MND1: variants seen among roughly 807,000 people sequenced by gnomAD.
The protein encoded by MND1 is meiotic nuclear division protein 1 homolog.
Under a neutral mutation model 35.1 loss-of-function variants are expected in MND1, and 28 were observed. The ratio of observed to expected loss-of-function variants is 0.80; its 90% CI spans 0.59 to 1.09. MND1 has a LOEUF of 1.09. Among genes scored for constraint, MND1 ranks in the 50% least tolerant of loss-of-function variants. MND1 has a pLI of 0.00. For missense variants in MND1, 213 were observed against 239.6 expected (o/e 0.89, Z 0.73); for synonymous variants, 69 against 70.5 (o/e 0.98, Z 0.11).
intron 2 of MND1, among the ~76,000 whole-genome samples, chr4:153,355,319 A>G (rs1410230727): frequency 3.9e-5 from 6 of 152,202 alleles, no homozygotes; most frequent in Non-Finnish European, 8.8e-5. Flanking sequence ...TTTTTTAAAT[A>G]CAATTTTTCA....
intron 4 of MND1, among the ~76,000 whole-genome samples, chr4:153,365,286 CAG>C (rs1272387189): frequency 1.3e-5 from 2 of 152,168 alleles, no homozygotes; most frequent in East Asian, 3.8e-4. Flanking sequence ...TTCCCCAAAA[CAG>C]AAGCAGGGTT....
chr4:153,344,729 G>T lies in MND1; in HGVS notation c.-9G>T. The T allele has an allele frequency of 6.3e-7, 1 of 1,594,694 alleles. No homozygotes were observed. The highest frequency in any genetic ancestry group is 8.5e-7 in the Non-Finnish European group (1 of 1,171,920). ...GGGCCCGGCCAGCGGAAGCCCCTGC[G>T]CCCGCGCCATGGTAAGGACTGAGGC... On this transcript the variant is annotated 5_prime_UTR_variant, in exon 1 of 8. Coordinates refer to ENST00000240488, the MANE Select transcript of MND1 (RefSeq NM_032117.4).
intron 1 of MND1, among the ~76,000 whole-genome samples, chr4:153,345,165 C>CT (rs1298300271): frequency 2.6e-5 from 4 of 152,308 alleles, no homozygotes; most frequent in African/African-American, 7.2e-5. Flanking sequence ...TGGTGTAGCC[C>CT]CCCCCATTAA....
intron 3 of MND1, 140 bp from the exon 4 acceptor site, chr4:153,358,334 C>G: frequency 4.8e-6 from 3 of 623,108 alleles, no homozygotes; most frequent in Non-Finnish European, 7.7e-6. Flanking sequence ...CATTGTTGTG[C>G]ATGTTGTTAT....
chr4:153,380,180 A>AGT (rs1273832526), intron 4 of MND1, among the ~76,000 whole-genome samples: 1 of 152,238 alleles, frequency 6.6e-6, no homozygotes, highest in Non-Finnish European at 1.5e-5. Flanking sequence ...ATAACAGAAA[A>AGT]GTAGATCAAA....
At chr4:153,361,686 A>G (rs1194670380) in intron 4 of MND1, 16 of 375,688 alleles carry the variant, frequency 4.3e-5, no homozygotes, top group Non-Finnish European at 7.8e-5. Context: ...AAATACAAAA[A>G]AAATAGCCGG....
At chr4:153,376,213 T>C (rs1280751305) in intron 4 of MND1, among the ~76,000 whole-genome samples, 1 of 152,172 alleles carries the variant, frequency 6.6e-6, no homozygotes, top group Non-Finnish European at 1.5e-5. Flanking sequence ...GATAGCTATT[T>C]CTAGAATTTT....
intron 4 of MND1, among the ~76,000 whole-genome samples, chr4:153,372,308 A>G (rs1338286901): frequency 6.6e-6 from 1 of 151,736 alleles, no homozygotes; most frequent in Non-Finnish European, 1.5e-5. Context: ...CAGTAAAGCA[A>G]AGCACAATAA....
chr4:153,385,117 T>C (rs1728816978), intron 4 of MND1, among the ~76,000 whole-genome samples: 1 of 152,234 alleles, frequency 6.6e-6, no homozygotes, highest in African/African-American at 2.4e-5. Flanking sequence ...TAACTGTATA[T>C]GTAGTAGGTA....
intron 2 of MND1, among the ~76,000 whole-genome samples, chr4:153,355,262 A>T (rs1000093954): frequency 6.6e-6 from 1 of 152,022 alleles, no homozygotes; most frequent in Non-Finnish European, 1.5e-5. Flanking sequence ...AGTTTCTAAT[A>T]AGCTCTAAAA....
intron 4 of MND1, among the ~76,000 whole-genome samples, chr4:153,367,604 T>A (rs936681742): frequency 2.0e-5 from 3 of 152,110 alleles, no homozygotes; most frequent in African/African-American, 7.2e-5. Context: ...GGCATGTGAG[T>A]TTTTTCCACT....
At chr4:153,409,583 T>C (rs187800216) in intron 7 of MND1, among the ~76,000 whole-genome samples, 278 of 152,300 alleles carry the variant, frequency 1.8e-3, no homozygotes, top group Admixed American at 5.1e-3. Flanking sequence ...CTTTTCTGGC[T>C]GGACTTAAAA....
chr4:153,361,755 A>G, intron 4 of MND1: 1 of 329,694 alleles, frequency 3.0e-6, no homozygotes, highest in Non-Finnish European at 5.9e-6. Flanking sequence ...GGAGAATGGC[A>G]TGAACCCGGG....
At chr4:153,391,980 C>A (rs1729053799) in intron 4 of MND1, among the ~76,000 whole-genome samples, 1 of 151,938 alleles carries the variant, frequency 6.6e-6, no homozygotes, top group Non-Finnish European at 1.5e-5. Flanking sequence ...GGTAAACCTA[C>A]CAACTTTTTG....
chr4:153,345,146 G>A (rs1012866212), intron 1 of MND1, among the ~76,000 whole-genome samples: 4 of 149,678 alleles, frequency 2.7e-5, no homozygotes, highest in African/African-American at 7.5e-5. Flanking sequence ...CTCCAGCTTC[G>A]GCCCCGCGTG....
In MND1 at chr4:153,397,229, C is replaced by G. The variant is rs200975986; in HGVS notation, c.362C>G (p.Thr121Ser). The change falls in exon 6 of 8, where the codon ACC (threonine) becomes AGC (serine). Residue 121 changes from threonine to serine, a missense_variant. Physicochemically the swap from Thr to Ser is moderately conservative, Grantham distance 58. Transcript: ENST00000240488. ...CTATCTGGAATGCAGGAAGAGCGAACCAGGCTAGCAAAAGAGCTTTCTTCA... is the reference window on the plus strand; with the variant it reads ...CTATCTGGAATGCAGGAAGAGCGAAGCAGGCTAGCAAAAGAGCTTTCTTCA... ...KIGRCETEERTRLAKELSSLR... is the reference protein window; with the variant it reads ...KIGRCETEERSRLAKELSSLR... 702 of 1,610,618 alleles carry G rather than the reference C, an allele frequency of 4.4e-4. 7 individuals are homozygous for G. The highest frequency in any genetic ancestry group is 3.0e-4 in the Admixed American group (18 of 59,560).
chr4:153,355,440 C>T (rs1025421634), intron 2 of MND1, among the ~76,000 whole-genome samples: 1 of 151,860 alleles, frequency 6.6e-6, no homozygotes, highest in Non-Finnish European at 1.5e-5. Context: ...TTGGAATGTT[C>T]CTAACACAAA....
At chr4:153,411,216 A>C (rs1729672692) in intron 7 of MND1, among the ~76,000 whole-genome samples, 1 of 152,176 alleles carries the variant, frequency 6.6e-6, no homozygotes, top group Non-Finnish European at 1.5e-5. Context: ...CACATATGAG[A>C]GGAATCTTAA....
intron 4 of MND1, among the ~76,000 whole-genome samples, chr4:153,390,423 A>T (rs924506370): frequency 3.5e-4 from 53 of 152,336 alleles, no homozygotes; most frequent in African/African-American, 1.3e-3. Flanking sequence ...CATGCTTCAC[A>T]TTTGAAATAT....
Sources: allele counts gnomAD v4.1 joint callset (sites outside exome capture counted in the v4.1 genomes callset), GRCh38; gene constraint gnomAD v4.1.1; transcripts MANE v1.5; gene names NCBI Gene and HGNC (gene_info 2026-07-23, HGNC 2026-07-21).